GRID1: variants seen among roughly 807,000 people sequenced by gnomAD.
The protein encoded by GRID1 is glutamate ionotropic receptor delta type subunit 1, also known as glutamate receptor ionotropic, delta-1.
Under a neutral mutation model 98.0 loss-of-function variants are expected in GRID1, and 28 were observed. The ratio of observed to expected loss-of-function variants is 0.29; its 90% confidence interval spans 0.21 to 0.39. The LOEUF (loss-of-function observed/expected upper bound fraction) is 0.39, where lower values mean the gene tolerates loss of function less well. Among genes scored for constraint, GRID1 ranks in the 10% least tolerant of loss-of-function variants. The pLI is 1.00. For synonymous variants in GRID1, 553 were observed against 538.5 expected (o/e 1.03, Z -0.37); for missense variants, 1,111 against 1,340.5 (o/e 0.83, Z 2.67).
intron 5 of GRID1, among the ~76,000 whole-genome samples, chr10:85,890,761 G>A (rs1367179721): frequency 2.6e-5 from 4 of 152,074 alleles, no homozygotes; most frequent in Non-Finnish European, 5.9e-5. Context: ...AAAGAGCAAA[G>A]GAGCAAGGGA....
intron 5 of GRID1, among the ~76,000 whole-genome samples, chr10:85,912,293 G>A (rs1316214228): frequency 2.0e-5 from 3 of 152,178 alleles, no homozygotes; most frequent in Non-Finnish European, 4.4e-5. Flanking sequence ...ACTTCTAGCA[G>A]ATATAAAAAC....
chr10:85,733,399 T>C (rs1006546168), intron 8 of GRID1, among the ~76,000 whole-genome samples: 2 of 152,158 alleles, frequency 1.3e-5, no homozygotes, highest in African/African-American at 4.8e-5. Context: ...CTCTCCAACA[T>C]TAACTTCTGT....
chr10:85,740,468 CTA>C (rs1173147850), intron 8 of GRID1, among the ~76,000 whole-genome samples: 2 of 152,166 alleles, frequency 1.3e-5, no homozygotes, highest in African/African-American at 2.4e-5. Context: ...ACAGTCAATT[CTA>C]TGAGTTCTTA....
chr10:85,844,857 C>T (rs996931630), intron 8 of GRID1, among the ~76,000 whole-genome samples: 3 of 151,952 alleles, frequency 2.0e-5, no homozygotes, highest in Non-Finnish European at 4.4e-5. Context: ...ATATAATTAT[C>T]TTGATAGATG....
chr10:85,931,502 C>T (rs1356922531), intron 4 of GRID1, among the ~76,000 whole-genome samples: 1 of 152,018 alleles, frequency 6.6e-6, no homozygotes, highest in Non-Finnish European at 1.5e-5. Context: ...TACCTCTTTG[C>T]CTTTTTGCTT....
rs186943755 is a variant in GRID1, at chr10:86,080,341, A to C, written c.726+58478T>G. Among the ~76,000 whole-genome samples the C allele has an allele frequency of 1.4e-3, 201 of 147,246 alleles. 1 individual carries two copies. In the East Asian group the frequency reaches 0.02, roughly 15 times the overall value. ...AGAGCAAGGCTATGTGGAAAAAATA[A>C]AAGAGAGAGAGAGACAAAAAAAGAG... is the stretch of plus-strand genomic sequence containing the variant. On this transcript the variant is annotated intron_variant, in intron 4 of 15. Transcript: ENST00000327946.
At chr10:86,242,263 C>T (rs1846649389) in intron 2 of GRID1, among the ~76,000 whole-genome samples, 2 of 152,174 alleles carry the variant, frequency 1.3e-5, no homozygotes, top group African/African-American at 4.8e-5. Flanking sequence ...ATACGAAGAT[C>T]GGAGGAGGAC....
At chr10:85,997,773 G>A (rs1290426442) in intron 4 of GRID1, among the ~76,000 whole-genome samples, 2 of 152,160 alleles carry the variant, frequency 1.3e-5, no homozygotes, top group East Asian at 1.9e-4. Context: ...AAAAATTGAT[G>A]GAATATGTTT....
At chr10:85,778,581 A>G (rs974155320) in intron 8 of GRID1, among the ~76,000 whole-genome samples, 5 of 152,184 alleles carry the variant, frequency 3.3e-5, no homozygotes, top group African/African-American at 1.2e-4. Context: ...GAAAAAACAA[A>G]ACAATTTCAG....
intron 13 of GRID1, among the ~76,000 whole-genome samples, chr10:85,631,420 A>T (rs1842974402): frequency 6.6e-6 from 1 of 152,190 alleles, no homozygotes; most frequent in Non-Finnish European, 1.5e-5. Context: ...CCCTGTGGAG[A>T]CATTATGGCT....
intron 2 of GRID1, among the ~76,000 whole-genome samples, chr10:86,245,125 C>T (rs1206428476): frequency 1.3e-5 from 2 of 152,368 alleles, no homozygotes; most frequent in East Asian, 3.9e-4. Context: ...TGGTACAGAG[C>T]CTGGGGCTCC....
intron 4 of GRID1, among the ~76,000 whole-genome samples, chr10:86,086,846 A>G (rs748785098): frequency 2.0e-5 from 3 of 152,312 alleles, no homozygotes; most frequent in Non-Finnish European, 4.4e-5. Context: ...CCAGGAGCTC[A>G]TGGAACAGAA....
At chr10:86,275,881 A>C (rs1450035226) in intron 2 of GRID1, among the ~76,000 whole-genome samples, 2 of 152,194 alleles carry the variant, frequency 1.3e-5, no homozygotes, top group Non-Finnish European at 2.9e-5. Context: ...GTGGCTAAAA[A>C]CTTCCCAAAT....
At chr10:85,786,006 TATACAC>T (rs1482685733) in intron 8 of GRID1, among the ~76,000 whole-genome samples, 12 of 151,838 alleles carry the variant, frequency 7.9e-5, no homozygotes, top group South Asian at 4.2e-4. Flanking sequence ...GTACACATAC[TATACAC>T]ATACACATAC....
At chr10:86,249,172 G>A (rs1465918649) in intron 2 of GRID1, among the ~76,000 whole-genome samples, 2 of 152,200 alleles carry the variant, frequency 1.3e-5, no homozygotes, top group African/African-American at 4.8e-5. Flanking sequence ...ATTAGGTGGG[G>A]AGAGGGTCCC....
chr10:85,852,026 G>C (rs749630950), intron 8 of GRID1, among the ~76,000 whole-genome samples: 1 of 151,568 alleles, frequency 6.6e-6, no homozygotes, highest in Admixed American at 6.6e-5. Flanking sequence ...CCCATGATAC[G>C]GTCCTAATCC....
Position 85,729,526 on chromosome 10 carries a change from A to G in GRID1, c.1322T>C (p.Val441Ala). ...CCATGATCCTACCAAGACAGTCACCACTTTAAGAGTCAATCCTTGGAGGCG... is the reference window on the plus strand; with the variant it reads ...CCATGATCCTACCAAGACAGTCACCGCTTTAAGAGTCAATCCTTGGAGGCG... Reference protein sequence around the residue: ...GSRLQGLTLKVVTVLEEPFVM... With the variant: ...GSRLQGLTLKAVTVLEEPFVM... The change falls in exon 9 of 16, where the codon GTG (valine) becomes GCG (alanine). Residue 441 changes from valine to alanine, a missense_variant. Physicochemically the swap from Val to Ala is moderately conservative, Grantham distance 64 (BLOSUM62 0). Around this residue, in one of 3 missense-constraint regions of GRID1, gnomAD observed 762 missense variants for 869.1 expected, o/e 0.88. Coordinates refer to ENST00000327946, the MANE Select transcript of GRID1 (RefSeq NM_017551.3). The G allele has an allele frequency of 1.9e-6, 3 of 1,604,344 alleles. No homozygotes were observed. Among genetic ancestry groups the G allele is most frequent in the Non-Finnish European group, 2.6e-6 (3 of 1,171,470 alleles).
intron 12 of GRID1, among the ~76,000 whole-genome samples, chr10:85,702,988 A>G (rs1841470064): frequency 6.6e-6 from 1 of 151,772 alleles, no homozygotes; most frequent in African/African-American, 2.4e-5. Context: ...AGGAGGAGGA[A>G]ATAAGGAGAT....
chr10:85,917,990 C>G (rs758200885), intron 4 of GRID1, among the ~76,000 whole-genome samples: 4 of 152,232 alleles, frequency 2.6e-5, no homozygotes, highest in Admixed American at 6.5e-5. Context: ...CTTCAAAAGC[C>G]TGGAAGCACT....
Sources: allele counts gnomAD v4.1 joint callset (sites outside exome capture counted in the v4.1 genomes callset), GRCh38; gene constraint gnomAD v4.1.1; regional missense constraint gnomAD v4.1.1; transcripts MANE v1.5; gene names NCBI Gene and HGNC (gene_info 2026-07-23, HGNC 2026-07-21).